DCHS1: variants seen among roughly 807,000 people sequenced by gnomAD.
DCHS1 encodes protocadherin-16.
A neutral mutation model predicts 213.9 loss-of-function variants in DCHS1; 78 were observed. That is an observed-to-expected ratio of 0.36 (90% CI 0.30 to 0.44). The LOEUF is 0.44. DCHS1 is among the 20% of genes least tolerant of loss of function. The pLI, the probability that DCHS1 is intolerant of heterozygous loss-of-function variation, is 1.00. For synonymous variants in DCHS1, 1,828 were observed against 1,873.7 expected, an observed-to-expected ratio of 0.98 and a Z score of 0.63; for missense variants, 3,946 against 4,395.9, an observed-to-expected ratio of 0.90 and a Z score of 2.89.
At chr11:6,649,081 G>A (rs1342151771) in intron 1 of DCHS1, among the ~76,000 whole-genome samples, 1 of 151,882 alleles carries the variant, frequency 6.6e-6, no homozygotes, top group Non-Finnish European at 1.5e-5. Flanking sequence ...CACAGTGAAC[G>A]CTCACTAAAT....
intron 20 of DCHS1, 41 bp downstream of exon 20, chr11:6,624,689 A>G (rs371931841): frequency 6.2e-7 from 1 of 1,612,936 alleles, no homozygotes; most frequent in African/African-American, 1.3e-5. Flanking sequence ...TTACAGCCCA[A>G]CACAGTCAAA....
Position 6,626,603 on chromosome 11 carries a change from T to G in DCHS1, c.6313A>C (p.Ser2105Arg). The change falls in exon 15 of 21, where the codon AGC becomes CGC. Residue 2105 changes from serine to arginine, a missense_variant. Coordinates refer to ENST00000299441, the MANE Select transcript of DCHS1 (RefSeq NM_003737.4). This position sits in a 1 kb window ranked among gnomAD's most constrained non-coding sequence, Gnocchi z 5.2. ...CCTTTCTCATTCCCACTGAGAATGC[T>G]GTAGGTGATGGGTCCATTTGTGCCT... ...AGGTNGPITY[S>R]ILSGNEKGTF... 1 of 1,614,018 alleles carries G rather than the reference T, an allele frequency of 6.2e-7. No homozygotes were observed. Among genetic ancestry groups the G allele is most frequent in the Non-Finnish European group, 8.5e-7 (1 of 1,179,904 alleles).
chr11:6,622,594 A>G lies in DCHS1; in HGVS notation c.9082T>C (p.Ser3028Pro). The G allele has an allele frequency of 6.3e-7, 1 of 1,580,600 alleles. No homozygotes were observed. The highest frequency in any genetic ancestry group is 8.6e-7 in the Non-Finnish European group (1 of 1,163,962). ...PYPRGGSLDP[S>P]HSSGRGSAEA... is the part of the protein sequence containing the mutation. ...GCTGATCCTCGGCCACTTGAATGTG[A>G]AGGGTCCAAGGAGCCACCACGGGGG... The change falls in exon 21 of 21, where the codon TCA becomes CCA. Residue 3028 changes from serine to proline, a missense_variant. By Grantham distance (74) the Ser-to-Pro change is moderately conservative. Coordinates refer to ENST00000299441, the MANE Select transcript of DCHS1 (RefSeq NM_003737.4). The surrounding 1 kb of genome is among the most constrained non-coding windows in gnomAD (Gnocchi z 5.4).
At position 6,640,541 on chromosome 11, in the gene DCHS1, T is replaced by A; in HGVS notation, c.1073A>T (p.Asn358Ile). The A allele has an allele frequency of 6.2e-7, 1 of 1,610,740 alleles. No homozygotes were observed. Among genetic ancestry groups the A allele is most frequent in the Non-Finnish European group, 8.5e-7 (1 of 1,179,860 alleles). The part of the protein sequence containing the change: ...VTVHVRDAND[N>I]QPSMTVIFLS... ...AAAGATGACAGTCATGGAGGGCTGA[T>A]TGTCATTGGCATCTCGCACATGCAC... The change falls in exon 2 of 21, where the codon AAT (asparagine) becomes ATT (isoleucine). Residue 358 changes from asparagine to isoleucine, a missense_variant. Physicochemically the swap from Asn to Ile is moderately radical, Grantham distance 149. Transcript: ENST00000299441. The surrounding 1 kb of genome is among the most constrained non-coding windows in gnomAD (Gnocchi z 6.5).
At chr11:6,646,040 C>T (rs1856149283) in intron 1 of DCHS1, among the ~76,000 whole-genome samples, 1 of 152,078 alleles carries the variant, frequency 6.6e-6, no homozygotes, top group African/African-American at 2.4e-5. Context: ...TGCAGGCATA[C>T]ATACACACAC....
rs527761539 is a variant in DCHS1, at chr11:6,639,072, C to T, written c.1797+745G>A. ...TTGCAGTGAGCCCAGATCATGCCAC[C>T]GCACTCCAGCCTGGGCAACAGAGCG... On this transcript the variant is annotated intron_variant, in intron 2 of 20. Transcript: ENST00000299441. Among the ~76,000 whole-genome samples, 234 of 151,438 alleles carry T rather than the reference C, an allele frequency of 1.5e-3. 1 individual carries two copies. Among genetic ancestry groups the T allele is most frequent in the African/African-American group, 5.3e-3 (219 of 41,256 alleles).
chr11:6,627,923 C>T lies in DCHS1; in HGVS notation c.5372-256G>A, dbSNP rs1007172818. On this transcript the variant is annotated intron_variant, in intron 13 of 20. Coordinates refer to ENST00000299441, the MANE Select transcript of DCHS1 (RefSeq NM_003737.4). The surrounding 1 kb of genome is among the most constrained non-coding windows in gnomAD (Gnocchi z 5.4). ...AAAATTATTTCATAGCACTACTAAGCCATTATATGGCCTTTTTATTCTCAT... is the reference window on the plus strand; with the variant it reads ...AAAATTATTTCATAGCACTACTAAGTCATTATATGGCCTTTTTATTCTCAT... 6.6e-6 allele frequency among the ~76,000 whole-genome samples: 1 copy of T among 152,198 alleles called. No homozygotes were observed. Among genetic ancestry groups the T allele is most frequent in the African/African-American group, 2.4e-5 (1 of 41,434 alleles).
At position 6,621,443 on chromosome 11, in the gene DCHS1, G is replaced by A. The variant is rs1855683255; in HGVS notation, c.*336C>T. 1 of 422,320 alleles carries A rather than the reference G, an allele frequency of 2.4e-6. No homozygotes were observed. Among genetic ancestry groups the A allele is most frequent in the South Asian group, 2.1e-5 (1 of 47,326 alleles). 26.2% of individuals were successfully genotyped at this position (422,320 alleles called of 1,614,324 possible). On this transcript the variant is annotated 3_prime_UTR_variant, in exon 21 of 21. Transcript: ENST00000299441. ...AGGAGCTGGGTCCAAACATGTTGGA[G>A]GGACCTCCTCCATCCCCCTACCCCC...
chr11:6,639,006 G>A (rs866839083), intron 2 of DCHS1, among the ~76,000 whole-genome samples: 48 of 152,132 alleles, frequency 3.2e-4, no homozygotes, highest in Middle Eastern at 3.4e-3. Flanking sequence ...AGCTACTTGG[G>A]AGGCTGAGGC....
At chr11:6,636,831 A>G (rs535820699) in intron 2 of DCHS1, among the ~76,000 whole-genome samples, 28 of 152,286 alleles carry the variant, frequency 1.8e-4, no homozygotes, top group African/African-American at 6.3e-4. Context: ...GCCATCGTCT[A>G]TACTTTCACT....
chr11:6,642,755 A>G (rs1246328300), intron 1 of DCHS1, among the ~76,000 whole-genome samples: 1 of 152,216 alleles, frequency 6.6e-6, no homozygotes, highest in Non-Finnish European at 1.5e-5. Flanking sequence ...GGAAGCCACT[A>G]AAGCACTTCA....
At chr11:6,642,432 C>T (rs1856092562) in intron 1 of DCHS1, among the ~76,000 whole-genome samples, 1 of 152,194 alleles carries the variant, frequency 6.6e-6, no homozygotes, top group Admixed American at 6.5e-5. Context: ...AGAAGCAACA[C>T]AGGCAGGGAG....
chr11:6,652,958 C>T (rs1477917004), intron 1 of DCHS1, among the ~76,000 whole-genome samples: 1 of 152,162 alleles, frequency 6.6e-6, no homozygotes, highest in African/African-American at 2.4e-5. Context: ...CTGCAACAGC[C>T]AACTGTCCTT....
intron 1 of DCHS1, among the ~76,000 whole-genome samples, chr11:6,646,078 A>G (rs1257445027): frequency 1.3e-5 from 2 of 151,710 alleles, no homozygotes; most frequent in East Asian, 3.9e-4. Context: ...CATGGCCCTC[A>G]CACCAAGAGG....
At chr11:6,639,276 C>G (rs1322885239) in intron 2 of DCHS1, among the ~76,000 whole-genome samples, 1 of 152,144 alleles carries the variant, frequency 6.6e-6, no homozygotes, top group Non-Finnish European at 1.5e-5. Context: ...CTTTCTCAGC[C>G]TGTCCAGGGT....
Position 6,630,578 on chromosome 11 carries a change from T to C in DCHS1, c.4216A>G (p.Thr1406Ala). Residue 1406 changes from threonine (T) to alanine (A), a missense_variant, in exon 10 of 21, where the codon ACG becomes GCG. Physicochemically the swap from Thr to Ala is moderately conservative, Grantham distance 58 (BLOSUM62 0). Transcript: ENST00000299441. Reference sequence around the variant, plus strand: ...CCTCCCGGCCCCTCAGCGCGTACCGTAAGCGCGCGCCACGGCGGGCCAGCT... The same window carrying C: ...CCTCCCGGCCCCTCAGCGCGTACCGCAAGCGCGCGCCACGGCGGGCCAGCT... Reference protein sequence around the residue: ...FEAGPPWRALTVRAEGPGGAG... With the variant: ...FEAGPPWRALAVRAEGPGGAG... 6.5e-7 allele frequency: 1 copy of C among 1,541,574 alleles called. No individual in the cohort carries two copies. The highest frequency in any genetic ancestry group is 8.7e-7 in the Non-Finnish European group (1 of 1,151,180).
chr11:6,636,840 C>T (rs1855993323), intron 2 of DCHS1, among the ~76,000 whole-genome samples: 4 of 152,202 alleles, frequency 2.6e-5, no homozygotes, highest in Admixed American at 2.6e-4. Flanking sequence ...TATACTTTCA[C>T]TCTAGACCAC....
At position 6,628,916 on chromosome 11, in the gene DCHS1, A is replaced by G; in HGVS notation, c.5162-86T>C. ...CACACAGTGTTCATACATGTTCACT[A>G]GGTGCACACAAACCAGAAAATGTCC... On this transcript the variant is annotated intron_variant, in intron 12 of 20. Coordinates refer to ENST00000299441, the MANE Select transcript of DCHS1 (RefSeq NM_003737.4). This position sits in a 1 kb window ranked among gnomAD's most constrained non-coding sequence, Gnocchi z 4.3. 7.2e-7 allele frequency: 1 copy of G among 1,395,794 alleles called. No homozygotes were observed. Among genetic ancestry groups the G allele is most frequent in the Non-Finnish European group, 9.9e-7 (1 of 1,006,628 alleles). 86.5% of individuals were successfully genotyped at this position (1,395,794 alleles called of 1,614,324 possible). A position where few individuals can be genotyped will look rare whatever the true frequency, so the allele number is the denominator to read the frequency against.
chr11:6,624,091 G>C lies in DCHS1; in HGVS notation c.7585C>G (p.Arg2529Gly). 1 of 1,612,086 alleles carries C rather than the reference G, an allele frequency of 6.2e-7. No individual in the cohort carries two copies. The highest frequency in any genetic ancestry group is 8.5e-7 in the Non-Finnish European group (1 of 1,179,234). ...AGCCTGGGTTCCAGCTGGAAGACTC[G>C]GCCCCAGTTGCCACTGATGATGCTG... ...DYSIISGNWG[R>G]VFQLEPRLAE... The change falls in exon 21 of 21, where the codon CGA becomes GGA. Residue 2529 changes from arginine to glycine, a missense_variant. Arg to Gly is a moderately radical substitution (Grantham distance 125). This residue lies in a region of DCHS1 where 3,384 missense variants were observed against 3,780.1 expected (regional missense o/e 0.90). Transcript: ENST00000299441.
Sources: allele counts gnomAD v4.1 joint callset (sites outside exome capture counted in the v4.1 genomes callset), GRCh38; gene constraint gnomAD v4.1.1; regional missense constraint gnomAD v4.1.1; non-coding constraint Gnocchi (gnomAD v3.1); transcripts MANE v1.5; gene names NCBI Gene and HGNC (gene_info 2026-07-23, HGNC 2026-07-21).